The following NTM variants were observed in gnomAD, a reference collection of about 807,000 sequenced individuals.
NTM encodes IgLON family member 2.
NTM carries 13 observed loss-of-function variants against 42.1 expected under a neutral mutation model. The ratio of observed to expected loss-of-function variants is 0.31; its 90% CI spans 0.20 to 0.49. The LOEUF (loss-of-function observed/expected upper bound fraction) is 0.49, where lower values mean the gene tolerates loss of function less well. Ranked by LOEUF, NTM falls within the 20% of genes least tolerant of loss-of-function variation. The pLI, the probability that NTM is intolerant of heterozygous loss-of-function variation, is 0.99. For missense variants in NTM, 373 were observed against 452.8 expected (o/e 0.82, Z 1.60); for synonymous variants, 187 against 179.2 (o/e 1.04, Z -0.35).
At chr11:131,611,718 C>T (rs896323410) in intron 1 of NTM, among the ~76,000 whole-genome samples, 1 of 152,238 alleles carries the variant, frequency 6.6e-6, no homozygotes. Context: ...CGTGCTGGAA[C>T]TGGGCTGCAA....
chr11:131,791,071 C>A (rs1033465036), intron 1 of NTM, among the ~76,000 whole-genome samples: 1 of 152,128 alleles, frequency 6.6e-6, no homozygotes, highest in Non-Finnish European at 1.5e-5. Context: ...TGGTTTAGTG[C>A]GGTGCCTATG....
intron 4 of NTM, among the ~76,000 whole-genome samples, chr11:132,253,816 C>T (rs145827320): frequency 9.5e-4 from 144 of 152,284 alleles, no homozygotes; most frequent in African/African-American, 3.3e-3. Context: ...ATGATAAAGA[C>T]CTCCTCAGGC....
At chr11:131,621,207 A>G (rs1017286544) in intron 1 of NTM, among the ~76,000 whole-genome samples, 1 of 152,194 alleles carries the variant, frequency 6.6e-6, no homozygotes, top group African/African-American at 2.4e-5. Flanking sequence ...CTGTGTATTC[A>G]CTGGCCAGAG....
intron 1 of NTM, among the ~76,000 whole-genome samples, chr11:131,728,861 A>G (rs1000088507): frequency 6.6e-6 from 1 of 152,190 alleles, no homozygotes; most frequent in Admixed American, 6.5e-5. Context: ...GGGACTTCCA[A>G]CCACCAGTCA....
intron 4 of NTM, among the ~76,000 whole-genome samples, chr11:132,215,459 G>A (rs1377120472): frequency 6.6e-6 from 1 of 152,028 alleles, no homozygotes; most frequent in African/African-American, 2.4e-5. Flanking sequence ...ACCTTGTGTG[G>A]AAAGGAGTAC....
chr11:131,401,714 A>T (rs1446290341), intron 1 of NTM, among the ~76,000 whole-genome samples: 2 of 148,008 alleles, frequency 1.4e-5, no homozygotes, highest in Non-Finnish European at 3.0e-5. Flanking sequence ...AATCATAAAG[A>T]ATTTCCTCCA....
chr11:132,223,609 A>G lies in NTM; in HGVS notation c.526+11462A>G, dbSNP rs79932358. ...CTTCATGAGGGCAGGAAGCATGCCT[A>G]TCCTTGCTCACTGCTATGTGCACCA... On this transcript the variant is annotated intron_variant, in intron 4 of 8. Coordinates refer to ENST00000683400, the MANE Select transcript of NTM (RefSeq NM_001352005.2). Among the ~76,000 whole-genome samples the G allele has an allele frequency of 1.8e-3, 269 of 152,320 alleles. 1 individual carries two copies. The East Asian group carries it at 0.025, about 14-fold the overall frequency.
At chr11:132,243,828 A>C (rs1337564495) in intron 4 of NTM, among the ~76,000 whole-genome samples, 1 of 152,188 alleles carries the variant, frequency 6.6e-6, no homozygotes, top group Non-Finnish European at 1.5e-5. Context: ...AGGGCTATGC[A>C]GCTGGCATAT....
chr11:131,889,942 T>A (rs752575139), intron 1 of NTM, among the ~76,000 whole-genome samples: 10 of 152,088 alleles, frequency 6.6e-5, no homozygotes, highest in Non-Finnish European at 1.3e-4. Context: ...AGGCATGCAT[T>A]TAGCTCCTTT....
chr11:132,035,844 A>G (rs1403238983), intron 2 of NTM, among the ~76,000 whole-genome samples: 1 of 152,124 alleles, frequency 6.6e-6, no homozygotes, highest in East Asian at 1.9e-4. Context: ...AAATCATTAA[A>G]TCCCAGATTT....
chr11:132,084,253 A>C (rs1790181), intron 2 of NTM, among the ~76,000 whole-genome samples: 77,629 of 151,940 alleles, frequency 0.51, 20,270 homozygotes, highest in African/African-American at 0.55. Flanking sequence ...GGGTCGCTAC[A>C]ATCAAAAACA....
chr11:131,523,902 G>A (rs2050109021), intron 1 of NTM, among the ~76,000 whole-genome samples: 1 of 152,162 alleles, frequency 6.6e-6, no homozygotes, highest in African/African-American at 2.4e-5. Flanking sequence ...AATGGGGTGG[G>A]TGGGGAGAGT....
At chr11:131,985,643 G>A (rs149033795) in intron 2 of NTM, among the ~76,000 whole-genome samples, 40 of 152,222 alleles carry the variant, frequency 2.6e-4, no homozygotes, top group Middle Eastern at 3.4e-3. Flanking sequence ...GAGAGCACGC[G>A]GCGTCATAGG....
chr11:132,244,792 G>T (rs2090823208), intron 4 of NTM, among the ~76,000 whole-genome samples: 1 of 152,194 alleles, frequency 6.6e-6, no homozygotes, highest in Non-Finnish European at 1.5e-5. Context: ...GGGCCGAGAG[G>T]GAGCCCCCAG....
At chr11:131,772,215 G>A (rs562356448) in intron 1 of NTM, among the ~76,000 whole-genome samples, 1 of 152,232 alleles carries the variant, frequency 6.6e-6, no homozygotes, top group Admixed American at 6.5e-5. Context: ...TAGACATGGG[G>A]ATATAACACA....
chr11:131,851,960 T>C (rs2045600845), intron 1 of NTM, among the ~76,000 whole-genome samples: 2 of 152,128 alleles, frequency 1.3e-5, no homozygotes, highest in Admixed American at 1.3e-4. Context: ...CTAAATCAAT[T>C]TGCCTGCCTG....
intron 2 of NTM, among the ~76,000 whole-genome samples, chr11:132,109,431 C>T (rs1412957572): frequency 6.6e-6 from 1 of 152,204 alleles, no homozygotes; most frequent in Admixed American, 6.5e-5. Context: ...CAACCAGACC[C>T]TGAATCTGCC....
At chr11:131,879,378 T>C (rs1040618762) in intron 1 of NTM, among the ~76,000 whole-genome samples, 4 of 152,292 alleles carry the variant, frequency 2.6e-5, no homozygotes, top group African/African-American at 9.6e-5. Flanking sequence ...TGCCAGATTT[T>C]TCCACTGTAT....
At chr11:132,313,986 G>T (rs1806995) in intron 6 of NTM, among the ~76,000 whole-genome samples, 1 of 152,248 alleles carries the variant, frequency 6.6e-6, no homozygotes, top group Admixed American at 6.5e-5. Flanking sequence ...TGAGAAAAAT[G>T]AGAAAATGAT....
Sources: gnomAD v4.1 joint callset for allele counts (sites outside exome capture counted in the v4.1 genomes callset) on GRCh38, gnomAD v4.1.1 for gene constraint, MANE v1.5 for transcripts, NCBI Gene and HGNC (gene_info 2026-07-23, HGNC 2026-07-21) for gene names.